The following GLCCI1 variants were observed in gnomAD, a reference collection of about 807,000 sequenced individuals.
The protein encoded by GLCCI1 is glucocorticoid induced 1.
Under a neutral mutation model 52.2 loss-of-function variants are expected in GLCCI1, and 24 were observed. The observed-to-expected ratio is 0.46, with a 90% CI of 0.33 to 0.65. GLCCI1 has a LOEUF of 0.65. Among genes scored for constraint, GLCCI1 ranks in the 30% least tolerant of loss-of-function variants. The pLI is 0.02. For missense variants in GLCCI1, 704 were observed against 701.5 expected (o/e 1.00, Z -0.04); for synonymous variants, 310 against 276.5 (o/e 1.12, Z -1.20).
rs539980742 is a variant in GLCCI1, at chr7:7,994,404, C to T, written c.458-9504C>T. On this transcript the variant is annotated intron_variant, in intron 1 of 7. Transcript: ENST00000223145. ...TGATTTAATTTTACTTTGCCACTTT[C>T]ACAAAAAAGAAATTCATTGTTCACA... is the stretch of plus-strand genomic sequence containing the variant. 1.2e-4 allele frequency among the ~76,000 whole-genome samples: 19 copies of T among 152,206 alleles called. No homozygotes were observed. In the South Asian group the frequency reaches 3.9e-3, roughly 32 times the overall value.
At chr7:8,075,993 A>G (rs186515099) in intron 6 of GLCCI1, among the ~76,000 whole-genome samples, 50 of 152,284 alleles carry the variant, frequency 3.3e-4, no homozygotes, top group African/African-American at 1.2e-3. Context: ...CAAAAGTATT[A>G]ATTTTGTCTT....
chr7:8,044,682 C>G (rs1217043049), intron 3 of GLCCI1, among the ~76,000 whole-genome samples: 1 of 152,188 alleles, frequency 6.6e-6, no homozygotes, highest in Non-Finnish European at 1.5e-5. Context: ...ATCTGTTCTT[C>G]ATAATTCACA....
chr7:8,006,117 G>A (rs914820970), intron 2 of GLCCI1, among the ~76,000 whole-genome samples: 7 of 152,102 alleles, frequency 4.6e-5, no homozygotes, highest in Admixed American at 6.6e-5. Flanking sequence ...TATCTTATTC[G>A]CTCTTCACAA....
intron 3 of GLCCI1, among the ~76,000 whole-genome samples, chr7:8,044,307 A>G (rs2127955657): frequency 6.6e-6 from 1 of 152,022 alleles, no homozygotes; most frequent in Non-Finnish European, 1.5e-5. Flanking sequence ...GAAATAATGT[A>G]TCATCATCTT....
Position 7,969,937 on chromosome 7 carries a change from T to C in GLCCI1, c.457+130T>C. The C allele has an allele frequency of 6.3e-6, 7 of 1,108,830 alleles. No homozygotes were observed. The highest frequency in any genetic ancestry group is 7.8e-6 in the Non-Finnish European group (7 of 900,032). The allele number at this position is 1,108,830 out of a possible 1,614,324, so 68.7% of individuals were successfully genotyped here. A position where few individuals can be genotyped will look rare whatever the true frequency, so the allele number is the denominator to read the frequency against. ...AGGTGTGAAAGTGGCTTTGGGAATC[T>C]CACCCCCCTGCGGTCGCTGTGGGGC... On this transcript the variant is annotated intron_variant, in intron 1 of 7. Transcript: ENST00000223145. The surrounding 1 kb of genome is among the most constrained non-coding windows in gnomAD (Gnocchi z 4.9).
intron 6 of GLCCI1, among the ~76,000 whole-genome samples, chr7:8,072,839 C>T (rs1003049659): frequency 2.0e-5 from 3 of 152,040 alleles, no homozygotes; most frequent in Admixed American, 6.6e-5. Context: ...TTCTTTAATA[C>T]TGTGGATAAT....
intron 2 of GLCCI1, among the ~76,000 whole-genome samples, chr7:8,019,516 A>G (rs1781441068): frequency 6.6e-6 from 1 of 152,134 alleles, no homozygotes; most frequent in African/African-American, 2.4e-5. Flanking sequence ...TGATTGAGAG[A>G]ACTCTTTCAG....
At chr7:8,005,246 ATAAAAT>A (rs1781124648) in intron 2 of GLCCI1, among the ~76,000 whole-genome samples, 1 of 152,110 alleles carries the variant, frequency 6.6e-6, no homozygotes, top group African/African-American at 2.4e-5. Context: ...GGTATAGAAA[ATAAAAT>A]TTAAAAATAA....
At chr7:8,002,570 TA>T in intron 1 of GLCCI1, among the ~76,000 whole-genome samples, 1 of 152,328 alleles carries the variant, frequency 6.6e-6, no homozygotes, top group East Asian at 1.9e-4. Context: ...ATCTGCCTAA[TA>T]TGATAACATG....
rs185988080 is a variant in GLCCI1 at position 8,030,321 on chromosome 7, A to C, written c.696+7752A>C. The stretch of plus-strand genomic sequence containing the variant: ...AAGACTTCAATCCATGGTGCTGGGG[A>C]AACTGGATATGCCTATGCAGAGAAA... On this transcript the variant is annotated intron_variant, in intron 3 of 7. Coordinates refer to ENST00000223145, the MANE Select transcript of GLCCI1 (RefSeq NM_138426.4). Among the ~76,000 whole-genome samples, 4 of 152,282 alleles carry C rather than the reference A, an allele frequency of 2.6e-5. No individual in the cohort carries two copies. The East Asian group carries it at 7.7e-4, about 29-fold the overall frequency.
chr7:7,969,286 G>T lies in GLCCI1; in HGVS notation c.-65G>T. On this transcript the variant is annotated 5_prime_UTR_variant, in exon 1 of 8. Coordinates refer to ENST00000223145, the MANE Select transcript of GLCCI1 (RefSeq NM_138426.4). The surrounding 1 kb of genome is among the most constrained non-coding windows in gnomAD (Gnocchi z 4.9). ...CGCACTATCGCGCCGGCTCCCACAC[G>T]CTCGCGCGCCTCCCGCCCCGCGCCT... The T allele has an allele frequency of 1.7e-6, 2 of 1,160,876 alleles. No individual in the cohort carries two copies. Among genetic ancestry groups the T allele is most frequent in the Non-Finnish European group, 2.1e-6 (2 of 930,652 alleles). 71.9% of individuals were successfully genotyped at this position (1,160,876 alleles called of 1,614,324 possible).
At chr7:8,038,374 A>G (rs140109772) in intron 3 of GLCCI1, among the ~76,000 whole-genome samples, 2 of 152,334 alleles carry the variant, frequency 1.3e-5, no homozygotes, top group East Asian at 1.9e-4. Flanking sequence ...AAATTATACT[A>G]CAAGGCTATT....
At chr7:7,998,362 C>T (rs1780984791) in intron 1 of GLCCI1, among the ~76,000 whole-genome samples, 1 of 151,820 alleles carries the variant, frequency 6.6e-6, no homozygotes, top group Non-Finnish European at 1.5e-5. Context: ...ATTACAGGCG[C>T]CCTCCACCAC....
At chr7:8,060,315 T>C in intron 5 of GLCCI1, 67 bp downstream of exon 5, 1 of 1,235,228 alleles carries the variant, frequency 8.1e-7, no homozygotes, top group Non-Finnish European at 1.2e-6. Flanking sequence ...AAAAGTACTT[T>C]CTTGGTAACA....
rs1036518786 is a variant in GLCCI1, at chr7:8,003,079, C to T, written c.458-829C>T. Among the ~76,000 whole-genome samples the T allele has an allele frequency of 2.6e-5, 4 of 152,138 alleles. No individual in the cohort carries two copies. In the East Asian group the frequency reaches 7.7e-4, roughly 29 times the overall value. ...TTATACATGTTATTTTTGTATAGCT[C>T]TGAATAAATTCATTAAGTGAGTATT... On this transcript the variant is annotated intron_variant, in intron 1 of 7. Transcript: ENST00000223145.
At chr7:8,007,552 A>C (rs1174117519) in intron 2 of GLCCI1, among the ~76,000 whole-genome samples, 1 of 152,168 alleles carries the variant, frequency 6.6e-6, no homozygotes, top group Non-Finnish European at 1.5e-5. Flanking sequence ...AAGATACAAG[A>C]GATGAACATA....
rs544287846 is a variant in GLCCI1 at position 8,003,820 on chromosome 7, A to G, written c.458-88A>G. 16 of 1,184,678 alleles carry G rather than the reference A, an allele frequency of 1.4e-5. No homozygotes were observed. The African/African-American group carries it at 2.2e-4, about 16-fold the overall frequency. 73.4% of individuals were successfully genotyped at this position (1,184,678 alleles called of 1,614,324 possible). The stretch of plus-strand genomic sequence containing the variant: ...TATATATATCACAGGAAAAATTGAC[A>G]GGATGACATTCTACAAACTATGAAG... On this transcript the variant is annotated intron_variant, in intron 1 of 7. Coordinates refer to ENST00000223145, the MANE Select transcript of GLCCI1 (RefSeq NM_138426.4).
chr7:8,027,126 C>G (rs533656648), intron 3 of GLCCI1, among the ~76,000 whole-genome samples: 1 of 152,332 alleles, frequency 6.6e-6, no homozygotes, highest in South Asian at 2.1e-4. Context: ...AAAACATGAC[C>G]TCACCAAATG....
chr7:8,055,152 G>C (rs914510011), intron 3 of GLCCI1, among the ~76,000 whole-genome samples: 1 of 152,072 alleles, frequency 6.6e-6, no homozygotes, highest in African/African-American at 2.4e-5. Context: ...GATATTTCTG[G>C]TGTTACAAAG....
Sources: gnomAD v4.1 joint callset for allele counts (sites outside exome capture counted in the v4.1 genomes callset) on GRCh38, gnomAD v4.1.1 for gene constraint, Gnocchi (gnomAD v3.1) non-coding constraint, MANE v1.5 for transcripts, NCBI Gene and HGNC (gene_info 2026-07-23, HGNC 2026-07-21) for gene names.